Variants in SV2B observed in about 807,000 individuals in gnomAD.
SV2B encodes synaptic vesicle glycoprotein 2B, also known as solute carrier family 22 member B2.
A neutral mutation model predicts 73.9 loss-of-function variants in SV2B; 41 were observed. The observed-to-expected ratio is 0.56, with a 90% CI of 0.43 to 0.72. The LOEUF (loss-of-function observed/expected upper bound fraction) is 0.72. Among genes scored for constraint, SV2B ranks in the 30% least tolerant of loss-of-function variants. The pLI, the probability that SV2B is intolerant of heterozygous loss-of-function variation, is 0.00. For synonymous variants in SV2B, 314 were observed against 314.2 expected (o/e 1.00, Z 0.01); for missense variants, 764 against 857.8 (o/e 0.89, Z 1.37).
At chr15:91,191,846 T>A (rs901917431) in intron 1 of SV2B, among the ~76,000 whole-genome samples, 1 of 152,258 alleles carries the variant, frequency 6.6e-6, no homozygotes, top group African/African-American at 2.4e-5. Flanking sequence ...TACATTAGTA[T>A]TTATTACTCT....
chr15:91,258,643 A>G lies in SV2B; in HGVS notation c.918+89A>G, dbSNP rs1370957716. On this transcript the variant is annotated intron_variant, in intron 5 of 12. Coordinates refer to ENST00000394232, the MANE Select transcript of SV2B (RefSeq NM_001323032.3). This position sits in a 1 kb window ranked among gnomAD's most constrained non-coding sequence, Gnocchi z 4.7. Reference sequence around the variant, plus strand: ...TCCTTCTCTCAGCTCCTAGTCCCACATCCTCTGCTGCTTATGTGTTGCAAA... The same window carrying G: ...TCCTTCTCTCAGCTCCTAGTCCCACGTCCTCTGCTGCTTATGTGTTGCAAA... 1 of 1,574,808 alleles carries G rather than the reference A, an allele frequency of 6.3e-7. No homozygotes were observed. The highest frequency in any genetic ancestry group is 2.2e-5 in the East Asian group (1 of 44,490).
At chr15:91,204,556 CTTT>C (rs568973449) in intron 1 of SV2B, among the ~76,000 whole-genome samples, 6 of 127,812 alleles carry the variant, frequency 4.7e-5, no homozygotes, top group Non-Finnish European at 3.4e-5. Flanking sequence ...TCTTCTTCTT[CTTT>C]TTTTTTTTTT....
intron 1 of SV2B, among the ~76,000 whole-genome samples, chr15:91,138,494 C>T (rs1211368169): frequency 2.0e-5 from 3 of 152,250 alleles, no homozygotes; most frequent in African/African-American, 7.2e-5. Context: ...CAGCAAAACA[C>T]ATTCTATGAG....
At position 91,251,227 on chromosome 15, in the gene SV2B, G is replaced by A. The variant is rs184303168; in HGVS notation, c.452-592G>A. 3.5e-3 allele frequency among the ~76,000 whole-genome samples: 536 copies of A among 152,288 alleles called. 4 individuals are homozygous for A. The highest frequency in any genetic ancestry group is 0.012 in the African/African-American group (510 of 41,556). ...AAAAACAGTCTCTTCAATAAATTGC[G>A]TTGAGAAAACTGGATATTACATGCA... is the stretch of plus-strand genomic sequence containing the variant. On this transcript the variant is annotated intron_variant, in intron 2 of 12. Coordinates refer to ENST00000394232, the MANE Select transcript of SV2B (RefSeq NM_001323032.3).
chr15:91,141,929 G>A lies in SV2B; in HGVS notation c.-392+41566G>A, dbSNP rs1382778887. On this transcript the variant is annotated intron_variant, in intron 1 of 12. Coordinates refer to ENST00000394232, the MANE Select transcript of SV2B (RefSeq NM_001323032.3). This position sits in a 1 kb window ranked among gnomAD's most constrained non-coding sequence, Gnocchi z 4.6. Reference sequence around the variant, plus strand: ...TCCCACAGTGGATCCTCAGAGCAAGGATCCTCAGAGCTCCTGAGCAGAGGA... The same window carrying A: ...TCCCACAGTGGATCCTCAGAGCAAGAATCCTCAGAGCTCCTGAGCAGAGGA... 6.6e-6 allele frequency among the ~76,000 whole-genome samples: 1 copy of A among 152,126 alleles called. No homozygotes were observed. Among genetic ancestry groups the A allele is most frequent in the Non-Finnish European group, 1.5e-5 (1 of 68,020 alleles).
rs189461257 is a variant in SV2B at position 91,193,341 on chromosome 15, C to T, written c.-391-32532C>T. Among the ~76,000 whole-genome samples the T allele has an allele frequency of 4.6e-4, 70 of 152,342 alleles. No individual in the cohort carries two copies. The East Asian group carries it at 0.01, about 23-fold the overall frequency. On this transcript the variant is annotated intron_variant, in intron 1 of 12. Transcript: ENST00000394232. ...GTTGGCCGACGTTGGCCTGTGTGGT[C>T]AGCCTCTTACTTCCAGTGAAGCAGT...
At chr15:91,166,914 C>T (rs1048845802) in intron 1 of SV2B, among the ~76,000 whole-genome samples, 25 of 151,558 alleles carry the variant, frequency 1.6e-4, no homozygotes, top group Middle Eastern at 3.4e-3. Flanking sequence ...TCTGGGTTCA[C>T]GCCATTCTCC....
intron 5 of SV2B, 27 bp from the exon 6 acceptor site, chr15:91,260,293 T>G: frequency 6.3e-7 from 1 of 1,589,650 alleles, no homozygotes; most frequent in Non-Finnish European, 8.5e-7. Context: ...AATGAATTTT[T>G]CCTGTGTCTT....
chr15:91,138,124 C>A (rs2042897249), intron 1 of SV2B, among the ~76,000 whole-genome samples: 1 of 152,136 alleles, frequency 6.6e-6, no homozygotes, highest in Non-Finnish European at 1.5e-5. Context: ...GTAGCCTTGA[C>A]CCCCAAAACA....
chr15:91,116,914 A>C (rs1359551457), intron 1 of SV2B, among the ~76,000 whole-genome samples: 1 of 152,208 alleles, frequency 6.6e-6, no homozygotes, highest in Non-Finnish European at 1.5e-5. Context: ...TTATAAAACC[A>C]TCATCTTGTG....
intron 1 of SV2B, among the ~76,000 whole-genome samples, chr15:91,143,787 T>A (rs1292821245): frequency 6.6e-6 from 1 of 152,222 alleles, no homozygotes; most frequent in Non-Finnish European, 1.5e-5. Flanking sequence ...TTATATTTTA[T>A]TTTCACATTG....
Position 91,241,173 on chromosome 15 carries a change from T to C in SV2B, c.452-10646T>C, listed in dbSNP as rs2046996107. 6.6e-6 allele frequency among the ~76,000 whole-genome samples: 1 copy of C among 152,200 alleles called. No homozygotes were observed. Among genetic ancestry groups the C allele is most frequent in the Non-Finnish European group, 1.5e-5 (1 of 68,040 alleles). ...CGTTTCCTTAAAGTCCTCTCCAATCTTTAGACTTTTAACCTCTTATTACCC... is the reference window on the plus strand; with the variant it reads ...CGTTTCCTTAAAGTCCTCTCCAATCCTTAGACTTTTAACCTCTTATTACCC... On this transcript the variant is annotated intron_variant, in intron 2 of 12. Transcript: ENST00000394232. This position sits in a 1 kb window ranked among gnomAD's most constrained non-coding sequence, Gnocchi z 4.8.
intron 1 of SV2B, among the ~76,000 whole-genome samples, chr15:91,210,311 G>A (rs987598468): frequency 3.3e-5 from 5 of 151,958 alleles, no homozygotes; most frequent in African/African-American, 1.2e-4. Flanking sequence ...AGCCGTAACT[G>A]GGCAGCAGGG....
chr15:91,215,810 A>C (rs924979581), intron 1 of SV2B, among the ~76,000 whole-genome samples: 5 of 152,222 alleles, frequency 3.3e-5, no homozygotes, highest in African/African-American at 1.2e-4. Flanking sequence ...GGGTTGATGT[A>C]ATAAATAATG....
rs1455066122 is a variant in SV2B at position 91,292,578 on chromosome 15, G to A, written c.*26G>A. 1.2e-6 allele frequency: 2 copies of A among 1,601,520 alleles called. No homozygotes were observed. Among genetic ancestry groups the A allele is most frequent in the Non-Finnish European group, 1.7e-6 (2 of 1,174,568 alleles). ...ACAACCTATGGGAAAAGGAAAGGTC[G>A]AGAGAATCTTGTCCAGGACACTGAA... On this transcript the variant is annotated 3_prime_UTR_variant, in exon 13 of 13. Transcript: ENST00000394232.
In SV2B at chr15:91,265,857, T is replaced by C. The variant is rs892182175; in HGVS notation, c.1009-725T>C. On this transcript the variant is annotated intron_variant, in intron 6 of 12. Coordinates refer to ENST00000394232, the MANE Select transcript of SV2B (RefSeq NM_001323032.3). This position sits in a 1 kb window ranked among gnomAD's most constrained non-coding sequence, Gnocchi z 4.2. ...TCTCCCAAAAGCTTAAGAACCACTG[T>C]TTTGGCTGGGCGCAGTGGCTCACGC... 3.4e-4 allele frequency among the ~76,000 whole-genome samples: 52 copies of C among 152,188 alleles called. No individual in the cohort carries two copies. The highest frequency in any genetic ancestry group is 1.2e-3 in the African/African-American group (51 of 41,456).
At position 91,241,606 on chromosome 15, in the gene SV2B, A is replaced by G. The variant is rs2141564566; in HGVS notation, c.452-10213A>G. On this transcript the variant is annotated intron_variant, in intron 2 of 12. Transcript: ENST00000394232. This position sits in a 1 kb window ranked among gnomAD's most constrained non-coding sequence, Gnocchi z 4.8. ...TTCCTCCTGAACTGAGAACAACAGAAGTAACCGGAGAAGAACTTCTATAGC... is the reference window on the plus strand; with the variant it reads ...TTCCTCCTGAACTGAGAACAACAGAGGTAACCGGAGAAGAACTTCTATAGC... Among the ~76,000 whole-genome samples, 2 of 152,256 alleles carry G rather than the reference A, an allele frequency of 1.3e-5. 1 individual carries two copies. The highest frequency in any genetic ancestry group is 4.1e-4 in the South Asian group (2 of 4,822).
chr15:91,133,601 G>A lies in SV2B; in HGVS notation c.-392+33238G>A, dbSNP rs141955534. 1.4e-4 allele frequency among the ~76,000 whole-genome samples: 21 copies of A among 152,222 alleles called. No individual in the cohort carries two copies. The East Asian group carries it at 3.7e-3, about 27-fold the overall frequency. On this transcript the variant is annotated intron_variant, in intron 1 of 12. Transcript: ENST00000394232. ...CTGCAGAAAATGCCCAGGCCAGAGTGGGGACAGGCGGCAGGGCTTCCATCC... is the reference window on the plus strand; with the variant it reads ...CTGCAGAAAATGCCCAGGCCAGAGTAGGGACAGGCGGCAGGGCTTCCATCC...
intron 2 of SV2B, among the ~76,000 whole-genome samples, chr15:91,237,841 A>G (rs1472464493): frequency 6.6e-6 from 1 of 152,176 alleles, no homozygotes; most frequent in East Asian, 1.9e-4. Context: ...AAAAAATGGA[A>G]CTGCATTAAA....
Sources: allele counts gnomAD v4.1 joint callset (sites outside exome capture counted in the v4.1 genomes callset), GRCh38; gene constraint gnomAD v4.1.1; non-coding constraint Gnocchi (gnomAD v3.1); transcripts MANE v1.5; gene names NCBI Gene and HGNC (gene_info 2026-07-23, HGNC 2026-07-21).